Variants in YWHAQ observed in about 807,000 individuals in gnomAD.
YWHAQ encodes the protein tyrosine 3-monooxygenase/tryptophan 5-monooxygenase activation protein theta, also known as 14-3-3 protein theta.
A neutral mutation model predicts 28.3 loss-of-function variants in YWHAQ; 6 were observed. The observed-to-expected ratio is 0.21, with a 90% confidence interval of 0.12 to 0.42. The LOEUF (loss-of-function observed/expected upper bound fraction) is 0.42. Among genes scored for constraint, YWHAQ ranks in the 10% least tolerant of loss-of-function variants. The pLI, the probability that YWHAQ is intolerant of heterozygous loss-of-function variation, is 1.00. For synonymous variants in YWHAQ, 143 were observed against 119.1 expected (o/e 1.20, Z -1.31); for missense variants, 201 against 305.6 (o/e 0.66, Z 2.55).
At chr2:9,627,286 T>C (rs1667265541) in intron 2 of YWHAQ, among the ~76,000 whole-genome samples, 1 of 152,258 alleles carries the variant, frequency 6.6e-6, no homozygotes, top group Non-Finnish European at 1.5e-5. Context: ...CTATCCTTCA[T>C]GTTACTTTAA....
chr2:9,595,126 T>C (rs923484587), intron 2 of YWHAQ, among the ~76,000 whole-genome samples: 1 of 152,338 alleles, frequency 6.6e-6, no homozygotes, highest in Admixed American at 6.5e-5. Context: ...CAGATGCCAC[T>C]AGCTCTCTGT....
intron 3 of YWHAQ, among the ~76,000 whole-genome samples, chr2:9,589,586 A>G (rs983627527): frequency 6.6e-6 from 1 of 151,940 alleles, no homozygotes; most frequent in African/African-American, 2.4e-5. Flanking sequence ...TCCATTCAAA[A>G]TTAATAATAA....
At chr2:9,593,236 C>CTTTTTT (rs34085406) in intron 2 of YWHAQ, among the ~76,000 whole-genome samples, 2 of 114,962 alleles carry the variant, frequency 1.7e-5, no homozygotes, top group African/African-American at 6.5e-5. Flanking sequence ...GCATCCATGT[C>CTTTTTT]TTTTTTTTTT....
At chr2:9,605,831 C>T (rs890347627) in intron 2 of YWHAQ, among the ~76,000 whole-genome samples, 6 of 151,774 alleles carry the variant, frequency 4.0e-5, no homozygotes, top group South Asian at 2.1e-4. Context: ...CAAAATGCTG[C>T]GATTACAGGC....
chr2:9,587,601 AC>A, intron 4 of YWHAQ, 92 bp from the exon 5 acceptor site: 1 of 1,092,726 alleles, frequency 9.2e-7, no homozygotes, highest in East Asian at 2.5e-5. Context: ...ATAAGTGAAC[AC>A]CCACCTTATG....
chr2:9,621,687 T>C (rs572165460), intron 2 of YWHAQ, among the ~76,000 whole-genome samples: 1 of 152,178 alleles, frequency 6.6e-6, no homozygotes, highest in African/African-American at 2.4e-5. Context: ...CCCAAACCCA[T>C]ATCAACTAAA....
chr2:9,624,841 G>A (rs112987621), intron 2 of YWHAQ, among the ~76,000 whole-genome samples: 12,818 of 151,478 alleles, frequency 0.085, 766 homozygotes, highest in Non-Finnish European at 0.13. Context: ...CTGTCTCCCC[G>A]ATTGTAGCAA....
chr2:9,604,146 A>G (rs1439365927), intron 2 of YWHAQ, among the ~76,000 whole-genome samples: 1 of 152,152 alleles, frequency 6.6e-6, no homozygotes, highest in African/African-American at 2.4e-5. Context: ...CACTGAGAGA[A>G]CGGGTATATA....
At chr2:9,606,842 A>G (rs1318511539) in intron 2 of YWHAQ, among the ~76,000 whole-genome samples, 1 of 151,270 alleles carries the variant, frequency 6.6e-6, no homozygotes, top group Non-Finnish European at 1.5e-5. Flanking sequence ...AGATGAAACT[A>G]TATGTAAACA....
chr2:9,630,846 C>G lies in YWHAQ; in HGVS notation c.-83+95G>C, dbSNP rs375906496. On this transcript the variant is annotated intron_variant, in intron 1 of 5. Transcript: ENST00000238081. The surrounding 1 kb of genome is among the most constrained non-coding windows in gnomAD (Gnocchi z 5.6). ...CCGGAGCCGTCCCTGAGGGGAGCGG[C>G]ATCGACAACCGGCTGCTCTCAAGGG... 1 of 152,480 alleles carries G rather than the reference C, an allele frequency of 6.6e-6. No homozygotes were observed. Among genetic ancestry groups the G allele is most frequent in the Non-Finnish European group, 1.5e-5 (1 of 68,036 alleles). The allele number at this position is 152,480 out of a possible 1,614,324, so 9.4% of individuals were successfully genotyped here.
intron 2 of YWHAQ, among the ~76,000 whole-genome samples, chr2:9,624,742 T>C (rs948712002): frequency 6.6e-6 from 1 of 151,890 alleles, no homozygotes; most frequent in Non-Finnish European, 1.5e-5. Flanking sequence ...TACAATATTC[T>C]ATTTCACTCT....
At position 9,584,695 on chromosome 2, in the gene YWHAQ, C is replaced by G. The variant is rs2125060691; in HGVS notation, c.*591G>C. 6.5e-6 allele frequency: 1 copy of G among 152,734 alleles called. No individual in the cohort carries two copies. The highest frequency in any genetic ancestry group is 3.4e-3 in the Middle Eastern group (1 of 294). 9.5% of individuals were successfully genotyped at this position (152,734 alleles called of 1,614,324 possible). A position where few individuals can be genotyped will look rare whatever the true frequency, so the allele number is the denominator to read the frequency against. On this transcript the variant is annotated 3_prime_UTR_variant, in exon 6 of 6. Transcript: ENST00000238081. ...AATAAAGAGTGAATAAGGAAACTCC[C>G]TGTTGCCACAGATACACAAGACCTC...
chr2:9,623,728 C>T (rs928667698), intron 2 of YWHAQ, among the ~76,000 whole-genome samples: 2 of 152,022 alleles, frequency 1.3e-5, no homozygotes, highest in Non-Finnish European at 2.9e-5. Flanking sequence ...ACCAAGATTG[C>T]GCCACTGCAC....
chr2:9,614,169 G>T (rs1028310973), intron 2 of YWHAQ, among the ~76,000 whole-genome samples: 5 of 152,152 alleles, frequency 3.3e-5, no homozygotes, highest in African/African-American at 1.2e-4. Context: ...AGATTCCCAG[G>T]ATATTCAGGT....
intron 2 of YWHAQ, among the ~76,000 whole-genome samples, chr2:9,620,955 G>C (rs916081744): frequency 6.6e-6 from 1 of 152,190 alleles, no homozygotes; most frequent in Admixed American, 6.5e-5. Flanking sequence ...GCAAAGTATA[G>C]TCTGGGAACC....
Position 9,630,499 on chromosome 2 carries a change from G to A in YWHAQ, c.-47C>T, listed in dbSNP as rs1294848757. The A allele has an allele frequency of 6.7e-7, 1 of 1,499,000 alleles. No individual in the cohort carries two copies. The highest frequency in any genetic ancestry group is 1.3e-5 in the South Asian group (1 of 77,884). The allele number at this position is 1,499,000 out of a possible 1,614,324, so 92.9% of individuals were successfully genotyped here. On this transcript the variant is annotated 5_prime_UTR_variant, in exon 2 of 6. Transcript: ENST00000238081. The surrounding 1 kb of genome is among the most constrained non-coding windows in gnomAD (Gnocchi z 5.6). ...GGGGCGGAGGGCGAGGAGAGCGAGGGCGAGCGCCGACCCGCAGCGGGAGGA... is the reference window on the plus strand; with the variant it reads ...GGGGCGGAGGGCGAGGAGAGCGAGGACGAGCGCCGACCCGCAGCGGGAGGA...
intron 5 of YWHAQ, 93 bp from the exon 6 acceptor site, chr2:9,585,438 T>A: frequency 7.2e-7 from 1 of 1,389,504 alleles, no homozygotes; most frequent in Non-Finnish European, 1.0e-6. Context: ...ACAAGAGTAG[T>A]AAATTCCTCA....
intron 2 of YWHAQ, among the ~76,000 whole-genome samples, chr2:9,617,080 C>A (rs1042589765): frequency 6.6e-6 from 1 of 152,006 alleles, no homozygotes; most frequent in Non-Finnish European, 1.5e-5. Flanking sequence ...CCTGCCTCAG[C>A]CTCCCGAGTA....
chr2:9,598,702 C>CTAT (rs1666626916), intron 2 of YWHAQ, among the ~76,000 whole-genome samples: 1 of 152,186 alleles, frequency 6.6e-6, no homozygotes, highest in African/African-American at 2.4e-5. Context: ...AGATGGTAAA[C>CTAT]TTAATCGATA....
Sources: allele counts gnomAD v4.1 joint callset (sites outside exome capture counted in the v4.1 genomes callset), GRCh38; gene constraint gnomAD v4.1.1; non-coding constraint Gnocchi (gnomAD v3.1); transcripts MANE v1.5; gene names NCBI Gene and HGNC (gene_info 2026-07-23, HGNC 2026-07-21).